Variants in NRXN2 observed in about 807,000 individuals in gnomAD.
The protein encoded by NRXN2 is neurexin-2-beta.
Under a neutral mutation model 128.8 loss-of-function variants are expected in NRXN2, and 29 were observed. The observed-to-expected ratio is 0.23, with a 90% CI of 0.17 to 0.31. NRXN2 has a LOEUF of 0.31. NRXN2 is among the 10% of genes least tolerant of loss of function. The pLI, the probability that NRXN2 is intolerant of heterozygous loss-of-function variation, is 1.00. For synonymous variants in NRXN2, 1,098 were observed against 1,075.2 expected (o/e 1.02, Z -0.41); for missense variants, 1,881 against 2,452.6 (o/e 0.77, Z 4.92).
At position 64,714,703 on chromosome 11, in the gene NRXN2, CCACTACCTGGG is replaced by C. The variant is rs2057237683; in HGVS notation, c.-244-771_-244-761del. On this transcript the variant is annotated intron_variant, in intron 1 of 22. Transcript: ENST00000265459. The surrounding 1 kb of genome is among the most constrained non-coding windows in gnomAD (Gnocchi z 4.5). ...TCAGTGCTCAGCCTCAGGACTGGCC[CCACTACCTGGG>C]CTCTCTTTACCCCTCAGTTCCCTCT... 1.3e-5 allele frequency among the ~76,000 whole-genome samples: 2 copies of C among 152,200 alleles called. No homozygotes were observed. Among genetic ancestry groups the C allele is most frequent in the African/African-American group, 4.8e-5 (2 of 41,434 alleles).
chr11:64,714,620 G>A lies in NRXN2; in HGVS notation c.-244-677C>T, dbSNP rs1303390712. ...CCCCTTCCCAGGCCCCAGCCTCACT[G>A]CTTACCAACCCAGGTCCTTTCTGAA... is the stretch of plus-strand genomic sequence containing the variant. On this transcript the variant is annotated intron_variant, in intron 1 of 22. Coordinates refer to ENST00000265459, the MANE Select transcript of NRXN2 (RefSeq NM_015080.4). This position sits in a 1 kb window ranked among gnomAD's most constrained non-coding sequence, Gnocchi z 4.5. 6.6e-6 allele frequency among the ~76,000 whole-genome samples: 1 copy of A among 151,910 alleles called. No homozygotes were observed. The highest frequency in any genetic ancestry group is 1.5e-5 in the Non-Finnish European group (1 of 67,980).
intron 7 of NRXN2, among the ~76,000 whole-genome samples, chr11:64,671,105 C>A (rs1392992350): frequency 6.6e-6 from 1 of 152,176 alleles, no homozygotes; most frequent in Admixed American, 6.5e-5. Flanking sequence ...CACCTTACCC[C>A]CTTGGGCTTT....
chr11:64,713,261 C>T lies in NRXN2; in HGVS notation c.439G>A (p.Ala147Thr). 1 of 1,429,594 alleles carries T rather than the reference C, an allele frequency of 7.0e-7. No individual in the cohort carries two copies. Among genetic ancestry groups the T allele is most frequent in the Admixed American group, 2.7e-5 (1 of 37,720 alleles). 88.6% of individuals were successfully genotyped at this position (1,429,594 alleles called of 1,614,324 possible). A position where few individuals can be genotyped will look rare whatever the true frequency, so the allele number is the denominator to read the frequency against. ...VRSKRREMQV[A>T]SDLFVGGIPP... is the part of the protein sequence containing the mutation. ...ATGCCGCCCACGAACAGGTCGCTGG[C>T]CACCTGCATCTCGCGCCGCTTGGAG... Residue 147 changes from alanine (A) to threonine (T), a missense_variant, in exon 2 of 23, where the codon GCC becomes ACC. Physicochemically the swap from Ala to Thr is moderately conservative, Grantham distance 58. This residue lies in a region of NRXN2 where 997 missense variants were observed against 1,240.8 expected (regional missense o/e 0.80). Transcript: ENST00000265459.
chr11:64,641,778 A>T (rs1223991135), intron 17 of NRXN2, among the ~76,000 whole-genome samples: 3 of 151,992 alleles, frequency 2.0e-5, no homozygotes, highest in African/African-American at 7.3e-5. Flanking sequence ...CAGGAGGGGA[A>T]GCCTGGAAAC....
intron 4 of NRXN2, among the ~76,000 whole-genome samples, chr11:64,691,321 A>C (rs1296954259): frequency 1.3e-5 from 2 of 152,218 alleles, no homozygotes; most frequent in Non-Finnish European, 2.9e-5. Flanking sequence ...CTTAGGCCTC[A>C]GTCCAAATGC....
intron 20 of NRXN2, among the ~76,000 whole-genome samples, chr11:64,624,460 C>G (rs966290365): frequency 1.3e-5 from 2 of 152,164 alleles, no homozygotes; most frequent in Admixed American, 6.5e-5. Flanking sequence ...GGCCAAGAGG[C>G]CAAGAGGCAG....
rs1056113277 is a variant in NRXN2 at position 64,660,894 on chromosome 11, C to T, written c.2044G>A (p.Val682Ile). 9.9e-6 allele frequency: 16 copies of T among 1,613,400 alleles called. No homozygotes were observed. In the African/African-American group the frequency reaches 1.2e-4, roughly 12 times the overall value. ...GTCTCCCGGGAGCAAAAGGGGGCAA[C>T]GCCCACAGCCCCCTGAGCCTCAGCC... Reference protein sequence around the residue: ...GLAEAQGAVGVAPFCSRETLK... With the variant: ...GLAEAQGAVGIAPFCSRETLK... Residue 682 changes from valine to isoleucine, a missense_variant, in exon 10 of 23, where the codon GTT becomes ATT. Physicochemically the swap from Val to Ile is conservative, Grantham distance 29 (BLOSUM62 3). This residue lies in a region of NRXN2 where 997 missense variants were observed against 1,240.8 expected (regional missense o/e 0.80). Transcript: ENST00000265459. The surrounding 1 kb of genome is among the most constrained non-coding windows in gnomAD (Gnocchi z 5.2).
chr11:64,672,335 C>A (rs1332928905), intron 7 of NRXN2, among the ~76,000 whole-genome samples: 1 of 152,196 alleles, frequency 6.6e-6, no homozygotes, highest in Admixed American at 6.5e-5. Context: ...CATTGGTGGG[C>A]ACTCCATGTC....
chr11:64,631,183 G>A lies in NRXN2; in HGVS notation c.3586-610C>T, dbSNP rs2043850590. On this transcript the variant is annotated intron_variant, in intron 18 of 22. Transcript: ENST00000265459. This position sits in a 1 kb window ranked among gnomAD's most constrained non-coding sequence, Gnocchi z 4.8. ...GTGGGGGTGGACCCTCTGCAGCCATGGGGGTGGAGGTGGGGGGTGTGGACT... is the reference window on the plus strand; with the variant it reads ...GTGGGGGTGGACCCTCTGCAGCCATAGGGGTGGAGGTGGGGGGTGTGGACT... 6.6e-6 allele frequency among the ~76,000 whole-genome samples: 1 copy of A among 152,200 alleles called. No homozygotes were observed. Among genetic ancestry groups the A allele is most frequent in the Non-Finnish European group, 1.5e-5 (1 of 68,018 alleles).
chr11:64,705,592 T>C (rs530193962), intron 2 of NRXN2, among the ~76,000 whole-genome samples: 1 of 152,102 alleles, frequency 6.6e-6, no homozygotes, highest in South Asian at 2.1e-4. Flanking sequence ...CTTGGCCACT[T>C]CATCTGATCT....
chr11:64,687,833 G>A (rs565404529), intron 5 of NRXN2, among the ~76,000 whole-genome samples: 18 of 152,296 alleles, frequency 1.2e-4, no homozygotes, highest in South Asian at 1.0e-3. Context: ...AGCCAGCAAC[G>A]AAAGTGGACA....
In NRXN2 at chr11:64,635,415, G is replaced by A. The variant is rs758982262; in HGVS notation, c.3441C>T (p.Leu1147=). Residue 1147 remains leucine (L), a synonymous_variant, in exon 18 of 23, where the codon CTC becomes CTT. Coordinates refer to ENST00000265459, the MANE Select transcript of NRXN2 (RefSeq NM_015080.4). The surrounding 1 kb of genome is among the most constrained non-coding windows in gnomAD (Gnocchi z 4.8). The stretch of plus-strand genomic sequence containing the variant: ...CATTGGGGGGCCACGTGTAGGTGAT[G>A]AGCGCTCCCCCCTTCCCAAAGATGT... ...TTYIFGKGGA[L]ITYTWPPNDR... 30 of 1,613,750 alleles carry A rather than the reference G, an allele frequency of 1.9e-5. No homozygotes were observed. Among genetic ancestry groups the A allele is most frequent in the South Asian group, 3.3e-5 (3 of 91,090 alleles).
At chr11:64,627,537 C>A (rs376003935) in intron 19 of NRXN2, among the ~76,000 whole-genome samples, 4 of 152,180 alleles carry the variant, frequency 2.6e-5, no homozygotes, top group Middle Eastern at 3.4e-3. Context: ...CTCCTCCCCC[C>A]AGTTCCAGCC....
chr11:64,722,435 G>T (rs1266092306), intron 1 of NRXN2, among the ~76,000 whole-genome samples: 1 of 151,716 alleles, frequency 6.6e-6, no homozygotes, highest in Non-Finnish European at 1.5e-5. Flanking sequence ...TTCTCCCCTT[G>T]GCTCCCATCC....
chr11:64,661,408 C>T, intron 9 of NRXN2: 2 of 1,376,126 alleles, frequency 1.5e-6, no homozygotes, highest in Non-Finnish European at 1.9e-6. Context: ...ACCCCTCCTC[C>T]CCACCTCAGC....
rs2046972354 is a variant in NRXN2, at chr11:64,648,146, TC to T, written c.3403+72del. ...CTGAATGCTCAGAGGCCCTGTTTCCTCCCTGGCAGCCCCTATGGCTGGGAAT... is the reference window on the plus strand; with the variant it reads ...CTGAATGCTCAGAGGCCCTGTTTCCTCCTGGCAGCCCCTATGGCTGGGAAT... On this transcript the variant is annotated intron_variant, in intron 17 of 22. Transcript: ENST00000265459. This position sits in a 1 kb window ranked among gnomAD's most constrained non-coding sequence, Gnocchi z 4.1. 1.9e-6 allele frequency: 3 copies of T among 1,607,086 alleles called. No individual in the cohort carries two copies. Among genetic ancestry groups the T allele is most frequent in the Non-Finnish European group, 8.5e-7 (1 of 1,175,092 alleles).
At chr11:64,675,819 C>G (rs2051233369) in intron 7 of NRXN2, 1 of 153,994 alleles carries the variant, frequency 6.5e-6, no homozygotes, top group South Asian at 2.1e-4. Context: ...CAGCCCCCAG[C>G]TCACACCAGC....
At chr11:64,613,016 G>T (rs1400201437) in intron 22 of NRXN2, among the ~76,000 whole-genome samples, 1 of 152,238 alleles carries the variant, frequency 6.6e-6, no homozygotes, top group Non-Finnish European at 1.5e-5. Flanking sequence ...TGCGAGCAGA[G>T]AGCAACCTGT....
chr11:64,653,574 G>A, intron 12 of NRXN2, 122 bp downstream of exon 12: 1 of 1,005,410 alleles, frequency 9.9e-7, no homozygotes, highest in Non-Finnish European at 1.5e-6. Flanking sequence ...CACACTCAAG[G>A]CCCAACCCCC....
Sources: allele counts gnomAD v4.1 joint callset (sites outside exome capture counted in the v4.1 genomes callset), GRCh38; gene constraint gnomAD v4.1.1; regional missense constraint gnomAD v4.1.1; non-coding constraint Gnocchi (gnomAD v3.1); transcripts MANE v1.5; gene names NCBI Gene and HGNC (gene_info 2026-07-23, HGNC 2026-07-21).